AMPH: variants seen among roughly 807,000 people sequenced by gnomAD.
AMPH encodes the protein amphiphysin.
In AMPH, 49 loss-of-function variants were observed where a neutral mutation model predicts 99.1. That is an observed-to-expected ratio of 0.49 (90% confidence interval 0.39 to 0.63). AMPH has a LOEUF of 0.63. Ranked by LOEUF, AMPH falls within the 20% of genes least tolerant of loss-of-function variation. The probability of loss-of-function intolerance (pLI) is 0.00; values close to 1 mark genes in which losing one functional copy is unlikely to be tolerated. For missense variants in AMPH, 759 were observed against 863.4 expected, an observed-to-expected ratio of 0.88 and a Z score of 1.52; for synonymous variants, 314 against 317.3, an observed-to-expected ratio of 0.99 and a Z score of 0.11.
chr7:38,499,305 G>A (rs1270521016), intron 3 of AMPH, among the ~76,000 whole-genome samples: 1 of 152,126 alleles, frequency 6.6e-6, no homozygotes, highest in Non-Finnish European at 1.5e-5. Flanking sequence ...CTCCAGAGAT[G>A]TTTGCTGCTA....
chr7:38,414,806 A>G (rs755531863), intron 17 of AMPH, among the ~76,000 whole-genome samples: 20 of 152,098 alleles, frequency 1.3e-4, no homozygotes, highest in Non-Finnish European at 2.5e-4. Flanking sequence ...CTGGGATTAC[A>G]GGCACCTGCC....
At chr7:38,402,680 A>G (rs1214349157) in intron 17 of AMPH, among the ~76,000 whole-genome samples, 1 of 152,218 alleles carries the variant, frequency 6.6e-6, no homozygotes, top group Non-Finnish European at 1.5e-5. Context: ...AAGGAATCCC[A>G]TACTCATGGC....
chr7:38,594,057 G>A (rs1294622413), intron 1 of AMPH, among the ~76,000 whole-genome samples: 1 of 152,166 alleles, frequency 6.6e-6, no homozygotes. Context: ...TGGTGGTCGT[G>A]TGGAGTAAGG....
chr7:38,571,831 C>T (rs548448995), intron 1 of AMPH, among the ~76,000 whole-genome samples: 6 of 151,900 alleles, frequency 3.9e-5, no homozygotes, highest in African/African-American at 1.4e-4. Context: ...ATTCACTCAC[C>T]ACTCACTCAT....
chr7:38,622,046 A>G (rs1407563688), intron 1 of AMPH, among the ~76,000 whole-genome samples: 1 of 152,180 alleles, frequency 6.6e-6, no homozygotes, highest in Non-Finnish European at 1.5e-5. Context: ...TGGTCTTACT[A>G]TATTCTTTCA....
intron 20 of AMPH, among the ~76,000 whole-genome samples, chr7:38,388,421 T>C (rs1036072557): frequency 6.6e-6 from 1 of 152,116 alleles, no homozygotes; most frequent in Non-Finnish European, 1.5e-5. Flanking sequence ...TACTTTCGGC[T>C]TTATCAATTT....
At chr7:38,392,829 G>C (rs543466447) in intron 18 of AMPH, 1 of 152,292 alleles carries the variant, frequency 6.6e-6, no homozygotes, top group African/African-American at 2.4e-5. Flanking sequence ...TCCAGCCGGG[G>C]TTTGGAGATC....
chr7:38,539,741 C>G (rs1481908496), intron 1 of AMPH, among the ~76,000 whole-genome samples: 1 of 152,124 alleles, frequency 6.6e-6, no homozygotes, highest in Non-Finnish European at 1.5e-5. Context: ...AAGATGAGAA[C>G]CAGAAACACA....
At chr7:38,508,219 A>G (rs990773807) in intron 2 of AMPH, among the ~76,000 whole-genome samples, 1 of 152,174 alleles carries the variant, frequency 6.6e-6, no homozygotes, top group Admixed American at 6.5e-5. Flanking sequence ...TGTACTACCT[A>G]CTACCATGTG....
chr7:38,550,761 T>C (rs1011518468), intron 1 of AMPH, among the ~76,000 whole-genome samples: 1 of 152,176 alleles, frequency 6.6e-6, no homozygotes, highest in Non-Finnish European at 1.5e-5. Context: ...TCCAAATGCT[T>C]AAGTGTTTTG....
chr7:38,614,536 A>G (rs939544397), intron 1 of AMPH, among the ~76,000 whole-genome samples: 6 of 152,212 alleles, frequency 3.9e-5, no homozygotes, highest in African/African-American at 1.4e-4. Flanking sequence ...GCCCTTTGCC[A>G]ATTGGTAGAG....
At chr7:38,580,780 AC>A (rs59983460) in intron 1 of AMPH, among the ~76,000 whole-genome samples, 42,728 of 151,994 alleles carry the variant, frequency 0.28, 6,405 homozygotes, top group Non-Finnish European at 0.34. Context: ...AAGTTCCTCT[AC>A]CACAAAATCC....
intron 1 of AMPH, among the ~76,000 whole-genome samples, chr7:38,571,282 T>G (rs1216472006): frequency 2.4e-5 from 1 of 41,116 alleles, no homozygotes; most frequent in Non-Finnish European, 4.1e-5. Context: ...TATATATTTT[T>G]ATATATATTT....
intron 17 of AMPH, among the ~76,000 whole-genome samples, chr7:38,399,489 T>C (rs972343168): frequency 2.0e-5 from 3 of 152,224 alleles, no homozygotes; most frequent in Non-Finnish European, 4.4e-5. Flanking sequence ...GATTAGGTGT[T>C]AGCTGTAGAT....
At chr7:38,610,321 GAAAAGAAAAGAA>G (rs1793611667) in intron 1 of AMPH, among the ~76,000 whole-genome samples, 5 of 25,732 alleles carry the variant, frequency 1.9e-4, no homozygotes, top group Admixed American at 9.1e-4. Context: ...GAAAAGAAAA[GAAAAGAAAAGAA>G]AAAAGAAAAG....
At chr7:38,583,192 A>C (rs953725369) in intron 1 of AMPH, among the ~76,000 whole-genome samples, 1 of 152,234 alleles carries the variant, frequency 6.6e-6, no homozygotes, top group Non-Finnish European at 1.5e-5. Flanking sequence ...TCTGTGTAGT[A>C]AAAAGAACAG....
intron 1 of AMPH, among the ~76,000 whole-genome samples, chr7:38,586,964 C>T (rs564380708): frequency 6.6e-6 from 1 of 152,276 alleles, no homozygotes; most frequent in South Asian, 2.1e-4. Flanking sequence ...TCCTATCACA[C>T]ACTTTGGTCC....
chr7:38,477,005 A>G, intron 5 of AMPH, 36 bp from the exon 6 acceptor site: 1 of 1,592,312 alleles, frequency 6.3e-7, no homozygotes. Context: ...AGAAAGAAGC[A>G]TGGACATAAG....
At chr7:38,407,066 ATATATATATATGTG>A (rs1331230560) in intron 17 of AMPH, among the ~76,000 whole-genome samples, 10 of 23,784 alleles carry the variant, frequency 4.2e-4, no homozygotes, top group African/African-American at 1.0e-3. Flanking sequence ...ATATATATAT[ATATATATATATGTG>A]TGTGTGTGTG....
Sources: allele counts gnomAD v4.1 joint callset (sites outside exome capture counted in the v4.1 genomes callset), GRCh38; gene constraint gnomAD v4.1.1; transcripts MANE v1.5; gene names NCBI Gene and HGNC (gene_info 2026-07-23, HGNC 2026-07-21).